SLC3A1: variants seen among roughly 807,000 people sequenced by gnomAD.
SLC3A1 encodes solute carrier family 3 member 1.
A neutral mutation model predicts 60.3 loss-of-function variants in SLC3A1; 78 were observed. The ratio of observed to expected loss-of-function variants is 1.29; its 90% CI spans 1.08 to 1.56. The LOEUF (loss-of-function observed/expected upper bound fraction) is 1.56, where lower values mean the gene tolerates loss of function less well. Ranked by LOEUF, SLC3A1 falls within the 40% of genes most tolerant of loss-of-function variation. The pLI, the probability that SLC3A1 is intolerant of heterozygous loss-of-function variation, is 0.00. For synonymous variants in SLC3A1, 392 were observed against 307.9 expected, an observed-to-expected ratio of 1.27 and a Z score of -2.86; for missense variants, 1,172 against 858.9, an observed-to-expected ratio of 1.36 and a Z score of -4.56.
At chr2:44,303,744 T>G (rs998035026) in intron 6 of SLC3A1, 2 of 343,188 alleles carry the variant, frequency 5.8e-6, no homozygotes, top group Non-Finnish European at 1.1e-5. Flanking sequence ...CCCCACCCAC[T>G]GACAGGCCCC....
Position 44,281,487 on chromosome 2 carries a change from T to C in SLC3A1, c.711T>C (p.Tyr237=). Residue 237 remains tyrosine (Y), a synonymous_variant, in exon 3 of 10, where the codon TAT becomes TAC. Transcript: ENST00000260649. ...GGACAGGAAAATATACTGATTATTATATCTGGCATGACTGTACCCATGAAA... is the reference window on the plus strand; with the variant it reads ...GGACAGGAAAATATACTGATTATTACATCTGGCATGACTGTACCCATGAAA... ...RTRTGKYTDY[Y]IWHDCTHENG... 6.2e-7 allele frequency: 1 copy of C among 1,613,998 alleles called. No individual in the cohort carries two copies. The highest frequency in any genetic ancestry group is 8.5e-7 in the Non-Finnish European group (1 of 1,179,856).
chr2:44,287,918 A>G (rs773283074), intron 4 of SLC3A1, among the ~76,000 whole-genome samples: 26 of 152,302 alleles, frequency 1.7e-4, no homozygotes, highest in Non-Finnish European at 3.2e-4. Context: ...TAATTTTGAA[A>G]TAACAGTTTA....
chr2:44,283,734 T>C (rs1306577870), intron 3 of SLC3A1, among the ~76,000 whole-genome samples: 1 of 152,214 alleles, frequency 6.6e-6, no homozygotes, highest in African/African-American at 2.4e-5. Flanking sequence ...AAAATATGTA[T>C]ATGTATATGA....
chr2:44,317,289 C>A (rs905750767), intron 9 of SLC3A1, among the ~76,000 whole-genome samples: 3 of 151,976 alleles, frequency 2.0e-5, no homozygotes, highest in African/African-American at 7.3e-5. Context: ...ATAGTAAGAC[C>A]CTATCTATCT....
chr2:44,316,902 T>C lies in SLC3A1; in HGVS notation c.1617+2951T>C, dbSNP rs187006094. ...AACAAAACATAACAATTCTAAGAGA[T>C]ACAATGTATTAAAGAAGGAAAAGGA... is the stretch of plus-strand genomic sequence containing the variant. On this transcript the variant is annotated intron_variant, in intron 9 of 9. Coordinates refer to ENST00000260649, the MANE Select transcript of SLC3A1 (RefSeq NM_000341.4). Among the ~76,000 whole-genome samples, 83 of 152,280 alleles carry C rather than the reference T, an allele frequency of 5.5e-4. 1 individual carries two copies. Among genetic ancestry groups the C allele is most frequent in the Middle Eastern group, 3.4e-3 (1 of 294 alleles).
At chr2:44,289,940 T>A (rs1671704739) in intron 4 of SLC3A1, among the ~76,000 whole-genome samples, 1 of 151,044 alleles carries the variant, frequency 6.6e-6, no homozygotes, top group Non-Finnish European at 1.5e-5. Flanking sequence ...CCAATTTATT[T>A]ATTTTTTTCT....
Position 44,313,912 on chromosome 2 carries a change from G to C in SLC3A1, c.1578G>C (p.Trp526Cys). The C allele has an allele frequency of 6.2e-7, 1 of 1,614,026 alleles. No homozygotes were observed. The highest frequency in any genetic ancestry group is 1.1e-5 in the South Asian group (1 of 91,080). Residue 526 changes from tryptophan to cysteine, a missense_variant, in exon 9 of 10, where the codon TGG becomes TGC. Physicochemically the swap from Trp to Cys is radical, Grantham distance 215. Coordinates refer to ENST00000260649, the MANE Select transcript of SLC3A1 (RefSeq NM_000341.4). Reference protein sequence around the residue: ...NAGFSEASNTWLPTNSDYHTV... With the variant: ...NAGFSEASNTCLPTNSDYHTV... ...GTTTTTCTGAAGCTAGTAACACCTG[G>C]TTACCTACCAATTCAGATTACCACA...
chr2:44,309,343 A>G (rs779761011), intron 7 of SLC3A1, among the ~76,000 whole-genome samples: 27 of 152,184 alleles, frequency 1.8e-4, no homozygotes, highest in Admixed American at 9.2e-4. Context: ...CATTTCACTT[A>G]GCTTAATGTT....
intron 4 of SLC3A1, among the ~76,000 whole-genome samples, chr2:44,299,053 T>TTA (rs1671931970): frequency 1.1e-5 from 1 of 94,724 alleles, no homozygotes; most frequent in African/African-American, 3.8e-5. Flanking sequence ...TTTTTTTTTT[T>TTA]AAAAGACAGA....
Position 44,321,126 on chromosome 2 carries a change from G to A in SLC3A1, c.*487G>A, listed in dbSNP as rs909373544. 5 of 505,436 alleles carry A rather than the reference G, an allele frequency of 9.9e-6. No homozygotes were observed. Among genetic ancestry groups the A allele is most frequent in the Admixed American group, 3.3e-5 (1 of 30,196 alleles). The allele number at this position is 505,436 out of a possible 1,614,324, so 31.3% of individuals were successfully genotyped here. On this transcript the variant is annotated 3_prime_UTR_variant, in exon 10 of 10. Coordinates refer to ENST00000260649, the MANE Select transcript of SLC3A1 (RefSeq NM_000341.4). ...TTCCCTCTACTCCACATCCTTCTAA[G>A]GAGCATGATTTGAAAATTACTTTCC...
chr2:44,316,120 A>C (rs2104389227), intron 9 of SLC3A1, among the ~76,000 whole-genome samples: 1 of 152,304 alleles, frequency 6.6e-6, no homozygotes, highest in South Asian at 2.1e-4. Flanking sequence ...CAGGCAACCA[A>C]AGACAGGCAA....
At chr2:44,283,727 A>T (rs1035748521) in intron 3 of SLC3A1, among the ~76,000 whole-genome samples, 1 of 152,212 alleles carries the variant, frequency 6.6e-6, no homozygotes, top group Non-Finnish European at 1.5e-5. Context: ...ATGTTCAAAA[A>T]TATGTATATG....
chr2:44,321,267 A>C lies in SLC3A1; in HGVS notation c.*628A>C. 8.8e-7 allele frequency: 1 copy of C among 1,134,152 alleles called. No individual in the cohort carries two copies. The highest frequency in any genetic ancestry group is 1.3e-6 in the Non-Finnish European group (1 of 790,702). The allele number at this position is 1,134,152 out of a possible 1,614,324, so 70.3% of individuals were successfully genotyped here. A position where few individuals can be genotyped will look rare whatever the true frequency, so the allele number is the denominator to read the frequency against. On this transcript the variant is annotated 3_prime_UTR_variant, in exon 10 of 10. Coordinates refer to ENST00000260649, the MANE Select transcript of SLC3A1 (RefSeq NM_000341.4). ...AAAAATTAATAACTTAAAAGTCTCA[A>C]GTTATTAATTTTTTTTTTGCTAACT...
At position 44,276,705 on chromosome 2, in the gene SLC3A1, GA is replaced by G. The variant is rs113989450; in HGVS notation, c.430+752del. Among the ~76,000 whole-genome samples the G allele has an allele frequency of 6.9e-3, 945 of 136,476 alleles. 6 individuals are homozygous for G. The highest frequency in any genetic ancestry group is 0.024 in the East Asian group (115 of 4,716). 89.5% of individuals were successfully genotyped at this position (136,476 alleles called of 152,430 possible). A position where few individuals can be genotyped will look rare whatever the true frequency, so the allele number is the denominator to read the frequency against. On this transcript the variant is annotated intron_variant, in intron 1 of 9. Transcript: ENST00000260649. ...CATAGGGAGACCCCGTCTCCAAAAAGAAAAAAAAAAAAGTGAAAAATTATTT... is the reference window on the plus strand; with the variant it reads ...CATAGGGAGACCCCGTCTCCAAAAAGAAAAAAAAAAAGTGAAAAATTATTT...
chr2:44,318,367 G>C lies in SLC3A1; in HGVS notation c.1618-1832G>C, dbSNP rs547863550. ...TTGCCTCCCAAAGTGCTAGGATTAC[G>C]GGCCTGAGCCACCTTGCCTGGCCTG... On this transcript the variant is annotated intron_variant, in intron 9 of 9. Coordinates refer to ENST00000260649, the MANE Select transcript of SLC3A1 (RefSeq NM_000341.4). 33 of 187,674 alleles carry C rather than the reference G, an allele frequency of 1.8e-4. No individual in the cohort carries two copies. In the South Asian group the frequency reaches 2.3e-3, roughly 13 times the overall value. The allele number at this position is 187,674 out of a possible 1,614,324, so 11.6% of individuals were successfully genotyped here. A position where few individuals can be genotyped will look rare whatever the true frequency, so the allele number is the denominator to read the frequency against.
chr2:44,275,613 T>A lies in SLC3A1; in HGVS notation c.78T>A (p.His26Gln), dbSNP rs766610527. The change falls in exon 1 of 10, where the codon CAT becomes CAA. Residue 26 changes from histidine to glutamine, a missense_variant. Physicochemically the swap from His to Gln is conservative, Grantham distance 24 (BLOSUM62 0). Coordinates refer to ENST00000260649, the MANE Select transcript of SLC3A1 (RefSeq NM_000341.4). ...GCCAGACAAACAACGGGTTTGTCCA[T>A]AATGAAGACATTCTGGAGCAGACCC... Reference protein sequence around the residue: ...KGCQTNNGFVHNEDILEQTPD... With the variant: ...KGCQTNNGFVQNEDILEQTPD... 1.9e-6 allele frequency: 3 copies of A among 1,613,858 alleles called. No homozygotes were observed. The East Asian group carries it at 6.7e-5, about 36-fold the overall frequency.
At chr2:44,301,270 C>T in intron 6 of SLC3A1, 143 bp downstream of exon 6, 2 of 1,035,016 alleles carry the variant, frequency 1.9e-6, no homozygotes, top group South Asian at 2.7e-5. Flanking sequence ...TTGGTTGTAC[C>T]AGGGCCTGCC....
rs1051076873 is a variant in SLC3A1, at chr2:44,320,180, T to C, written c.1618-19T>C. 6.3e-7 allele frequency: 1 copy of C among 1,591,012 alleles called. No individual in the cohort carries two copies. Among genetic ancestry groups the C allele is most frequent in the Non-Finnish European group, 8.6e-7 (1 of 1,160,204 alleles). On this transcript the variant is annotated intron_variant, in intron 9 of 9. Coordinates refer to ENST00000260649, the MANE Select transcript of SLC3A1 (RefSeq NM_000341.4). Reference sequence around the variant, plus strand: ...TCTTAGAATCAAACACTTACGTAAATACTTTTTTAAAAAAATAGGTCCAAA... The same window carrying C: ...TCTTAGAATCAAACACTTACGTAAACACTTTTTTAAAAAAATAGGTCCAAA...
rs150870922 is a variant in SLC3A1 at position 44,275,952 on chromosome 2, C to T, written c.417C>T (p.Asn139=). The T allele has an allele frequency of 2.2e-4, 360 of 1,614,044 alleles. No individual in the cohort carries two copies. The highest frequency in any genetic ancestry group is 4.9e-4 in the Middle Eastern group (3 of 6,062). Residue 139 remains asparagine, a synonymous_variant, in exon 1 of 10, where the codon AAC becomes AAT. Coordinates refer to ENST00000260649, the MANE Select transcript of SLC3A1 (RefSeq NM_000341.4). ...TCAAGGACAGTAACAAGGATGGGAA[C>T]GGAGATCTGAAAGGTACATGCCCAG... ...RSFKDSNKDG[N]GDLKGIQDKL...
Sources: allele counts gnomAD v4.1 joint callset (sites outside exome capture counted in the v4.1 genomes callset), GRCh38; gene constraint gnomAD v4.1.1; transcripts MANE v1.5; gene names NCBI Gene and HGNC (gene_info 2026-07-23, HGNC 2026-07-21).